The following TPRG1 variants were observed in gnomAD, a reference collection of about 807,000 sequenced individuals.
The protein encoded by TPRG1 is tumor protein p63-regulated gene 1 protein.
A neutral mutation model predicts 29.3 loss-of-function variants in TPRG1; 29 were observed. The ratio of observed to expected loss-of-function variants is 0.99; its 90% CI spans 0.74 to 1.35. The LOEUF (loss-of-function observed/expected upper bound fraction) is 1.35. TPRG1 is among the 40% of genes most tolerant of loss of function. The pLI, the probability that TPRG1 is intolerant of heterozygous loss-of-function variation, is 0.00. For missense variants in TPRG1, 327 were observed against 335.0 expected (o/e 0.98, Z 0.19); for synonymous variants, 130 against 116.8 (o/e 1.11, Z -0.73).
intron 4 of TPRG1, among the ~76,000 whole-genome samples, chr3:189,078,091 CTCTTTCTTTCTTTCTTTCTTTCTT>C (rs67070787): frequency 4.7e-5 from 4 of 85,156 alleles, no homozygotes; most frequent in Non-Finnish European, 6.9e-5. Context: ...CTCTCTTTCT[CTCTTTCTTTCTTTCTTTCTTTCTT>C]TCTTTCTTTC....
chr3:189,207,713 A>G lies in TPRG1; in HGVS notation c.210+119A>G, dbSNP rs190873148. The G allele has an allele frequency of 8.8e-5, 82 of 931,886 alleles. No individual in the cohort carries two copies. In the African/African-American group the frequency reaches 1.2e-3, roughly 13 times the overall value. 57.7% of individuals were successfully genotyped at this position (931,886 alleles called of 1,614,324 possible). A position where few individuals can be genotyped will look rare whatever the true frequency, so the allele number is the denominator to read the frequency against. ...ACATTTGTCTCATGTAATCGTCATA[A>G]TAATCATGAAGTAGCTATCCTTATC... On this transcript the variant is annotated intron_variant, in intron 2 of 5. Coordinates refer to ENST00000345063, the MANE Select transcript of TPRG1 (RefSeq NM_198485.4).
intron 4 of TPRG1, among the ~76,000 whole-genome samples, chr3:189,058,835 T>A (rs746981153): frequency 6.6e-6 from 1 of 152,182 alleles, no homozygotes; most frequent in Non-Finnish European, 1.5e-5. Context: ...TCAGGCTGAA[T>A]TGATGGAATG....
At chr3:189,167,834 C>G (rs184058924), upstream of TPRG1, among the ~76,000 whole-genome samples, 4 of 152,238 alleles carry the variant, frequency 2.6e-5, no homozygotes, top group Admixed American at 2.6e-4. Context: ...CGAAGTATTG[C>G]ACTTACTTCG....
intron 5 of TPRG1, among the ~76,000 whole-genome samples, chr3:189,152,364 G>T (rs989171424): frequency 3.3e-5 from 5 of 152,154 alleles, no homozygotes; most frequent in Non-Finnish European, 1.5e-5. Context: ...TTGGCCAGAG[G>T]CAGATTCTAC....
At chr3:189,049,694 A>C (rs1011064036) in intron 4 of TPRG1, among the ~76,000 whole-genome samples, 1 of 152,226 alleles carries the variant, frequency 6.6e-6, no homozygotes, top group African/African-American at 2.4e-5. Flanking sequence ...GCTAACCAGC[A>C]CAAAAATAGA....
chr3:189,066,718 T>A (rs1037971156), intron 4 of TPRG1, among the ~76,000 whole-genome samples: 2 of 151,694 alleles, frequency 1.3e-5, no homozygotes, highest in African/African-American at 4.8e-5. Context: ...AGTATTATAC[T>A]AAATGGGGAA....
chr3:189,318,650 T>C (rs552452807), intron 5 of TPRG1, among the ~76,000 whole-genome samples: 1 of 152,292 alleles, frequency 6.6e-6, no homozygotes, highest in African/African-American at 2.4e-5. Context: ...GGCTTTTGGC[T>C]TTTTGTTGAC....
chr3:189,316,209 A>G (rs1407172319), intron 5 of TPRG1, among the ~76,000 whole-genome samples: 1 of 152,222 alleles, frequency 6.6e-6, no homozygotes, highest in Non-Finnish European at 1.5e-5. Flanking sequence ...CTTGTGCAAG[A>G]AAAAAGAAGC....
intron 3 of TPRG1, among the ~76,000 whole-genome samples, chr3:189,139,830 G>A (rs1724300752): frequency 6.6e-6 from 1 of 152,222 alleles, no homozygotes; most frequent in East Asian, 1.9e-4. Flanking sequence ...CTGGTCTGCT[G>A]CAATATGGGT....
intron 1 of TPRG1, among the ~76,000 whole-genome samples, chr3:189,102,613 A>G (rs1719336726): frequency 6.6e-6 from 1 of 152,188 alleles, no homozygotes; most frequent in African/African-American, 2.4e-5. Flanking sequence ...CCTACCTGGA[A>G]TCCCTCCCTG....
chr3:189,094,666 T>A (rs1718559413), intron 4 of TPRG1, among the ~76,000 whole-genome samples: 1 of 152,142 alleles, frequency 6.6e-6, no homozygotes, highest in Non-Finnish European at 1.5e-5. Flanking sequence ...CACCCAGGTG[T>A]AATTGATTTT....
At chr3:189,075,204 C>G (rs1035048929) in intron 4 of TPRG1, among the ~76,000 whole-genome samples, 7 of 152,180 alleles carry the variant, frequency 4.6e-5, no homozygotes, top group Admixed American at 4.6e-4. Context: ...ACGATCTCCA[C>G]TCACTGCAAC....
At chr3:189,069,750 C>T (rs1716693225) in intron 4 of TPRG1, among the ~76,000 whole-genome samples, 1 of 152,160 alleles carries the variant, frequency 6.6e-6, no homozygotes, top group Admixed American at 6.5e-5. Context: ...AGATGTGCTT[C>T]AACAGGTAAG....
intron 5 of TPRG1, among the ~76,000 whole-genome samples, chr3:189,162,945 T>C (rs1231319906): frequency 6.6e-6 from 1 of 152,238 alleles, no homozygotes; most frequent in African/African-American, 2.4e-5. Flanking sequence ...GTTAAATAAT[T>C]AGAAATAAAT....
intron 1 of TPRG1, among the ~76,000 whole-genome samples, chr3:189,117,748 G>A (rs1315953325): frequency 6.6e-6 from 1 of 152,192 alleles, no homozygotes; most frequent in African/African-American, 2.4e-5. Flanking sequence ...CTGCCACCAT[G>A]TGAAGAAGGT....
chr3:189,170,894 C>G (rs1231096653), upstream of TPRG1, among the ~76,000 whole-genome samples: 1 of 152,182 alleles, frequency 6.6e-6, no homozygotes, highest in African/African-American at 2.4e-5. Flanking sequence ...AACCAATTTA[C>G]TTTGTCAGCG....
rs186173518 is a variant in TPRG1, at chr3:189,142,376, A to G, written c.-290-5208A>G. Among the ~76,000 whole-genome samples, 78 of 152,114 alleles carry G rather than the reference A, an allele frequency of 5.1e-4. No individual in the cohort carries two copies. The East Asian group carries it at 0.012, about 23-fold the overall frequency. ...ATTGTCTTCATTTTCTTTTTTTAAA[A>G]CCCATATCCCATGCTTGTGAGTAAG... On this transcript the variant is annotated intron_variant, in intron 3 of 6. Coordinates refer to the TPRG1 transcript ENST00000412373.
At chr3:189,033,438 C>T (rs537303242) in intron 4 of TPRG1, among the ~76,000 whole-genome samples, 10 of 152,108 alleles carry the variant, frequency 6.6e-5, no homozygotes, top group South Asian at 2.1e-4. Context: ...CGTGCCACCA[C>T]GCCCAGCTAA....
At chr3:189,000,487 T>C (rs1711970101) in intron 1 of TPRG1, among the ~76,000 whole-genome samples, 1 of 152,114 alleles carries the variant, frequency 6.6e-6, no homozygotes, top group Non-Finnish European at 1.5e-5. Context: ...TAATTTAAAA[T>C]GCTTACCCTA....
Sources: allele counts gnomAD v4.1 joint callset (sites outside exome capture counted in the v4.1 genomes callset), GRCh38; gene constraint gnomAD v4.1.1; transcripts MANE v1.5; gene names NCBI Gene and HGNC (gene_info 2026-07-23, HGNC 2026-07-21).